The following DLGAP1 variants were observed in gnomAD, a reference collection of about 807,000 sequenced individuals.
DLGAP1 encodes DLG associated protein 1, also known as disks large-associated protein 1.
In DLGAP1, 11 loss-of-function variants were observed where a neutral mutation model predicts 90.8. The ratio of observed to expected loss-of-function variants is 0.12; its 90% CI spans 0.08 to 0.20. DLGAP1 has a LOEUF of 0.20. DLGAP1 is among the 10% of genes least tolerant of loss of function. DLGAP1 has a pLI of 1.00. For missense variants in DLGAP1, 1,050 were observed against 1,333.8 expected (o/e 0.79, Z 3.31); for synonymous variants, 558 against 540.7 (o/e 1.03, Z -0.44).
chr18:4,449,662 G>A (rs765984120), intron 1 of DLGAP1, among the ~76,000 whole-genome samples: 1 of 152,178 alleles, frequency 6.6e-6, no homozygotes, highest in Non-Finnish European at 1.5e-5. Flanking sequence ...CTCACGGAAT[G>A]CACAGTTCAG....
chr18:4,237,353 C>G (rs1249383089), intron 1 of DLGAP1, among the ~76,000 whole-genome samples: 1 of 152,120 alleles, frequency 6.6e-6, no homozygotes, highest in African/African-American at 2.4e-5. Flanking sequence ...TGGGCGCAGT[C>G]TTGGTATGAT....
chr18:3,925,446 C>A (rs76502551), intron 3 of DLGAP1, among the ~76,000 whole-genome samples: 9 of 152,260 alleles, frequency 5.9e-5, no homozygotes, highest in East Asian at 3.9e-4. Flanking sequence ...TAACCCTCCC[C>A]AGTCACCTTC....
At chr18:3,552,984 G>A (rs1358503037) in intron 9 of DLGAP1, among the ~76,000 whole-genome samples, 1 of 148,344 alleles carries the variant, frequency 6.7e-6, no homozygotes, top group African/African-American at 2.5e-5. Context: ...TTTCTCTCTT[G>A]TTCTCTTCCT....
intron 4 of DLGAP1, among the ~76,000 whole-genome samples, chr18:3,860,916 C>A (rs2070011493): frequency 6.6e-6 from 1 of 152,344 alleles, no homozygotes; most frequent in African/African-American, 2.4e-5. Flanking sequence ...GAGGAAACGT[C>A]CTTATCCTCC....
rs2063968681 is a variant in DLGAP1, at chr18:3,761,604, C to T, written c.1173-19092G>A. 2.7e-5 allele frequency among the ~76,000 whole-genome samples: 4 copies of T among 149,796 alleles called. 1 individual carries two copies. In the South Asian group the frequency reaches 8.4e-4, roughly 31 times the overall value. On this transcript the variant is annotated intron_variant, in intron 5 of 12. Transcript: ENST00000315677. ...TTTTTTTTTTTTTTTAAGACGGAGT[C>T]TCACTCTGTTGCCCAGGCTGGAGTG...
chr18:4,280,682 T>C (rs772688848), intron 1 of DLGAP1: 1 of 152,244 alleles, frequency 6.6e-6, no homozygotes, highest in African/African-American at 2.4e-5. Context: ...AAAAACAATA[T>C]GATTTTTACC....
chr18:4,257,101 T>A (rs546520060), intron 1 of DLGAP1, among the ~76,000 whole-genome samples: 124 of 152,310 alleles, frequency 8.1e-4, no homozygotes, highest in Middle Eastern at 3.4e-3. Context: ...GTAAGGGAGA[T>A]AGTTATGGTT....
chr18:3,949,385 C>T (rs939105139), intron 3 of DLGAP1, among the ~76,000 whole-genome samples: 3 of 152,188 alleles, frequency 2.0e-5, no homozygotes, highest in Admixed American at 2.0e-4. Flanking sequence ...GGACCTGGGG[C>T]TTCAGTGGTC....
intron 1 of DLGAP1, among the ~76,000 whole-genome samples, chr18:4,251,668 G>A (rs73942744): frequency 0.083 from 12,662 of 152,202 alleles, 1,787 homozygotes; most frequent in African/African-American, 0.29. Context: ...GTATGTAACA[G>A]CCACTATTAA....
intron 4 of DLGAP1, among the ~76,000 whole-genome samples, chr18:3,822,775 T>C (rs554022571): frequency 1.3e-5 from 2 of 152,068 alleles, no homozygotes; most frequent in African/African-American, 4.8e-5. Flanking sequence ...TAGTAGAAAA[T>C]GTTACTGAGG....
chr18:4,176,800 T>G (rs971567407), intron 1 of DLGAP1, among the ~76,000 whole-genome samples: 2 of 152,208 alleles, frequency 1.3e-5, no homozygotes, highest in Admixed American at 1.3e-4. Flanking sequence ...GTGTGAGAAT[T>G]GGAAGAAGGA....
At chr18:4,027,430 C>T (rs1006225754) in intron 2 of DLGAP1, among the ~76,000 whole-genome samples, 6 of 129,428 alleles carry the variant, frequency 4.6e-5, no homozygotes, top group East Asian at 5.1e-4. Flanking sequence ...TGTTTGAATC[C>T]GGGAGGAGGA....
chr18:4,061,114 T>C (rs79552619), intron 2 of DLGAP1, among the ~76,000 whole-genome samples: 13,304 of 152,196 alleles, frequency 0.087, 699 homozygotes, highest in East Asian at 0.17. Flanking sequence ...ACCTAATACA[T>C]AATTAGAATT....
intron 1 of DLGAP1, among the ~76,000 whole-genome samples, chr18:4,287,673 G>C (rs2079733995): frequency 6.6e-6 from 1 of 152,012 alleles, no homozygotes; most frequent in Non-Finnish European, 1.5e-5. Flanking sequence ...TCACATACCA[G>C]GGCCTGTCAT....
At chr18:3,789,036 C>T (rs892589916) in intron 5 of DLGAP1, among the ~76,000 whole-genome samples, 5 of 152,304 alleles carry the variant, frequency 3.3e-5, no homozygotes, top group African/African-American at 7.2e-5. Context: ...TAATTTAGCA[C>T]GTACTCTGTG....
At chr18:3,675,174 G>T (rs1024654032) in intron 7 of DLGAP1, among the ~76,000 whole-genome samples, 2 of 152,108 alleles carry the variant, frequency 1.3e-5, no homozygotes, top group South Asian at 4.1e-4. Context: ...TGGTTCAAGC[G>T]ATTATCCTGC....
chr18:3,998,477 C>T (rs1256629873), intron 3 of DLGAP1, among the ~76,000 whole-genome samples: 1 of 139,332 alleles, frequency 7.2e-6, no homozygotes, highest in Non-Finnish European at 1.6e-5. Context: ...ACACTTCCTT[C>T]CACAGACCTG....
In DLGAP1 at chr18:3,499,243, G is replaced by C; in HGVS notation, c.2876C>G (p.Ala959Gly). 1 of 1,599,260 alleles carries C rather than the reference G, an allele frequency of 6.3e-7. No individual in the cohort carries two copies. Among genetic ancestry groups the C allele is most frequent in the Non-Finnish European group, 8.5e-7 (1 of 1,174,854 alleles). ...CTCGATGCTCTCGGCGCTCTCGGTG[G>C]CCGAGTTCTGGCGGACGGACGCGGC... ...KRAASVRQNS[A>G]TESAESIEIY... The change falls in exon 13 of 13, where the codon GCC becomes GGC. Residue 959 changes from alanine (A) to glycine (G), a missense_variant. Physicochemically the swap from Ala to Gly is moderately conservative, Grantham distance 60. Coordinates refer to ENST00000315677, the MANE Select transcript of DLGAP1 (RefSeq NM_004746.4). The surrounding 1 kb of genome is among the most constrained non-coding windows in gnomAD (Gnocchi z 6.4).
Position 3,496,852 on chromosome 18 carries a change from C to T in DLGAP1, c.*2333G>A, listed in dbSNP as rs868743482. 6.6e-6 allele frequency: 1 copy of T among 152,120 alleles called. No homozygotes were observed. Among genetic ancestry groups the T allele is most frequent in the Non-Finnish European group, 1.5e-5 (1 of 68,036 alleles). 9.4% of individuals were successfully genotyped at this position (152,120 alleles called of 1,614,324 possible). On this transcript the variant is annotated 3_prime_UTR_variant, in exon 13 of 13. Transcript: ENST00000315677. ...TTCAAGGAAGGCAAAGATCATGATG[C>T]CCTGTAGGCCTTGAGCTAAAAGATT...
Sources: gnomAD v4.1 joint callset for allele counts (sites outside exome capture counted in the v4.1 genomes callset) on GRCh38, gnomAD v4.1.1 for gene constraint, Gnocchi (gnomAD v3.1) non-coding constraint, MANE v1.5 for transcripts, NCBI Gene and HGNC (gene_info 2026-07-23, HGNC 2026-07-21) for gene names.